CATSPERT: variants seen among roughly 807,000 people sequenced by gnomAD.
CATSPERT encodes cation channel sperm-associated targeting subunit tau.
chr2:201,581,198 G>A, the CATSPERT span, among the ~76,000 whole-genome samples: 2 of 151,516 alleles, frequency 1.3e-5, no homozygotes, highest in African/African-American at 4.8e-5. Flanking sequence ...TTGAACTCAG[G>A]AGTACGAGAC....
chr2:201,504,512 C>A, the CATSPERT span, among the ~76,000 whole-genome samples: 4 of 152,176 alleles, frequency 2.6e-5, no homozygotes, highest in Non-Finnish European at 5.9e-5. Flanking sequence ...GCTTTCGCAC[C>A]ACTTCCTTTA....
At chr2:201,614,280 T>C in the CATSPERT span, among the ~76,000 whole-genome samples, 1 of 152,150 alleles carries the variant, frequency 6.6e-6, no homozygotes, top group Admixed American at 6.5e-5. Context: ...AGTTGAAAAG[T>C]AGGAAAAAAT....
At chr2:201,603,297 C>A in the CATSPERT span, 9 of 1,603,810 alleles carry the variant, frequency 5.6e-6, no homozygotes, top group African/African-American at 1.2e-4. Context: ...AAAACAAAAA[C>A]ACAGACAGTG....
the CATSPERT span, among the ~76,000 whole-genome samples, chr2:201,495,623 C>T: frequency 1.3e-5 from 2 of 150,162 alleles, no homozygotes; most frequent in African/African-American, 2.4e-5. Context: ...ATGGATGCAA[C>T]TTATTGTAAC....
the CATSPERT span, among the ~76,000 whole-genome samples, chr2:201,519,410 T>C: frequency 6.6e-6 from 1 of 151,904 alleles, no homozygotes; most frequent in Non-Finnish European, 1.5e-5. Context: ...GACGTGACTA[T>C]TACACCAGAT....
At chr2:201,521,447 G>GAC in the CATSPERT span, among the ~76,000 whole-genome samples, 1 of 127,926 alleles carries the variant, frequency 7.8e-6, no homozygotes, top group Non-Finnish European at 1.7e-5. Context: ...GAGAGAGAGA[G>GAC]AGAGAAAGAG....
the CATSPERT span, among the ~76,000 whole-genome samples, chr2:201,586,137 C>T: frequency 2.0e-5 from 3 of 152,014 alleles, no homozygotes; most frequent in Admixed American, 2.0e-4. Context: ...TCTCTAGTTG[C>T]GTTATTGTAA....
At chr2:201,591,077 G>T in the CATSPERT span, among the ~76,000 whole-genome samples, 1 of 152,024 alleles carries the variant, frequency 6.6e-6, no homozygotes. Context: ...GTCCTGAATG[G>T]TAATGCCTAG....
chr2:201,606,732 C>T, the CATSPERT span, among the ~76,000 whole-genome samples: 3 of 152,034 alleles, frequency 2.0e-5, no homozygotes, highest in Admixed American at 2.0e-4. Flanking sequence ...AAACCCACCT[C>T]TACTAAAAAT....
chr2:201,501,532 G>A, the CATSPERT span, among the ~76,000 whole-genome samples: 16 of 151,366 alleles, frequency 1.1e-4, no homozygotes, highest in East Asian at 2.9e-3. Flanking sequence ...AAGAAGGAAG[G>A]AAACAATAAA....
At chr2:201,556,536 T>C in the CATSPERT span, among the ~76,000 whole-genome samples, 1 of 140,822 alleles carries the variant, frequency 7.1e-6, no homozygotes, top group African/African-American at 2.6e-5. Flanking sequence ...AAGATGCAAC[T>C]CCAAAAAAGT....
the CATSPERT span, among the ~76,000 whole-genome samples, chr2:201,503,759 A>AT: frequency 7.7e-5 from 10 of 129,820 alleles, no homozygotes; most frequent in African/African-American, 2.3e-4. Context: ...TTGATTGATA[A>AT]ATTTTTTTTT....
the CATSPERT span, chr2:201,601,909 A>T: frequency 6.5e-7 from 1 of 1,537,804 alleles, no homozygotes; most frequent in African/African-American, 1.4e-5. Context: ...ATATTCAGGA[A>T]ATAAATTTTG....
the CATSPERT span, chr2:201,545,762 G>T: frequency 2.1e-6 from 1 of 478,764 alleles, no homozygotes; most frequent in Non-Finnish European, 3.4e-6. Context: ...ATTTACAGAA[G>T]ACAAGAAGGA....
chr2:201,503,529 G>C, the CATSPERT span, among the ~76,000 whole-genome samples: 1 of 152,058 alleles, frequency 6.6e-6, no homozygotes, highest in Admixed American at 6.6e-5. Context: ...TGAGTAGCTG[G>C]AACTATAGGG....
the CATSPERT span, among the ~76,000 whole-genome samples, chr2:201,602,388 T>A: frequency 9.2e-5 from 14 of 152,210 alleles, no homozygotes; most frequent in East Asian, 2.7e-3. Flanking sequence ...TTTAACTATC[T>A]TCAAAAATCT....
At chr2:201,605,036 A>G in the CATSPERT span, among the ~76,000 whole-genome samples, 4 of 147,544 alleles carry the variant, frequency 2.7e-5, no homozygotes, top group African/African-American at 7.5e-5. Context: ...CTGAATCTCT[A>G]CTCAATCAAA....
At chr2:201,581,947 T>A in the CATSPERT span, 1 of 968,296 alleles carries the variant, frequency 1.0e-6, no homozygotes, top group Non-Finnish European at 1.5e-6. Flanking sequence ...AAAAAATATA[T>A]AGCCAAAAGG....
the CATSPERT span, among the ~76,000 whole-genome samples, chr2:201,501,494 A>G: frequency 1.3e-5 from 2 of 151,910 alleles, no homozygotes; most frequent in African/African-American, 2.4e-5. Context: ...ACATTAGAAT[A>G]AGAGCAGCAA....
Sources: gnomAD v4.1 joint callset for allele counts (sites outside exome capture counted in the v4.1 genomes callset) on GRCh38, gnomAD v4.1.1 for gene constraint, MANE v1.5 for transcripts, NCBI Gene and HGNC (gene_info 2026-07-23, HGNC 2026-07-21) for gene names.